The following PCDH9 variants were observed in gnomAD, a reference collection of about 807,000 sequenced individuals.
PCDH9 encodes protocadherin-9.
In PCDH9, 24 loss-of-function variants were observed where a neutral mutation model predicts 70.6. The observed-to-expected ratio is 0.34, with a 90% CI of 0.25 to 0.48. The LOEUF (loss-of-function observed/expected upper bound fraction) is 0.48, where lower values mean the gene tolerates loss of function less well. Among genes scored for constraint, PCDH9 ranks in the 20% least tolerant of loss-of-function variants. PCDH9 has a pLI of 0.99. For missense variants in PCDH9, 1,281 were observed against 1,503.6 expected, an observed-to-expected ratio of 0.85 and a Z score of 2.45; for synonymous variants, 562 against 558.5, an observed-to-expected ratio of 1.01 and a Z score of -0.09.
chr13:66,812,980 C>T (rs1412061793), intron 3 of PCDH9, among the ~76,000 whole-genome samples: 1 of 152,134 alleles, frequency 6.6e-6, no homozygotes, highest in East Asian at 1.9e-4. Context: ...GAGGATAGAT[C>T]TCCAAAAGAG....
chr13:66,611,112 A>C (rs2077288952), intron 4 of PCDH9, among the ~76,000 whole-genome samples: 1 of 152,208 alleles, frequency 6.6e-6, no homozygotes, highest in Non-Finnish European at 1.5e-5. Context: ...AAACACAAAA[A>C]CATGAAAAAA....
At chr13:66,639,126 T>C (rs962614273) in intron 3 of PCDH9, among the ~76,000 whole-genome samples, 1 of 152,228 alleles carries the variant, frequency 6.6e-6, no homozygotes, top group Non-Finnish European at 1.5e-5. Context: ...AGTCAAGCAG[T>C]ATTTTCAGAG....
intron 2 of PCDH9, among the ~76,000 whole-genome samples, chr13:66,995,808 C>A (rs1304945464): frequency 6.6e-6 from 1 of 152,118 alleles, no homozygotes; most frequent in Non-Finnish European, 1.5e-5. Flanking sequence ...ATCTGCATTA[C>A]TGCTGTCTAA....
At chr13:66,453,602 T>C (rs766133318) in intron 4 of PCDH9, among the ~76,000 whole-genome samples, 9 of 152,146 alleles carry the variant, frequency 5.9e-5, no homozygotes, top group Non-Finnish European at 1.2e-4. Flanking sequence ...AATCAGCTTC[T>C]CTTCCCAGCA....
intron 3 of PCDH9, among the ~76,000 whole-genome samples, chr13:66,707,834 C>T (rs889912967): frequency 6.6e-6 from 1 of 152,130 alleles, no homozygotes; most frequent in African/African-American, 2.4e-5. Flanking sequence ...AAAATATTTA[C>T]AAGGTTTAAT....
chr13:67,085,886 C>T (rs9540992), intron 2 of PCDH9, among the ~76,000 whole-genome samples: 24 of 152,146 alleles, frequency 1.6e-4, no homozygotes, highest in Non-Finnish European at 2.8e-4. Flanking sequence ...ATTATTTATA[C>T]ATGCGAATAG....
At chr13:66,357,127 C>A (rs955165243) in intron 4 of PCDH9, among the ~76,000 whole-genome samples, 4 of 151,928 alleles carry the variant, frequency 2.6e-5, no homozygotes, top group African/African-American at 9.7e-5. Flanking sequence ...AACACATAAT[C>A]AGGATCTCAA....
chr13:66,469,614 C>A (rs1262088382), intron 4 of PCDH9, among the ~76,000 whole-genome samples: 1 of 152,048 alleles, frequency 6.6e-6, no homozygotes, highest in Non-Finnish European at 1.5e-5. Flanking sequence ...GATATTATTT[C>A]TTCTATGCCA....
chr13:66,660,953 T>C (rs2078000772), intron 3 of PCDH9, among the ~76,000 whole-genome samples: 1 of 152,160 alleles, frequency 6.6e-6, no homozygotes, highest in South Asian at 2.1e-4. Context: ...TAGTAGTACA[T>C]TATAAATATC....
intron 4 of PCDH9, among the ~76,000 whole-genome samples, chr13:66,407,200 T>C (rs560953854): frequency 3.9e-5 from 6 of 152,334 alleles, no homozygotes; most frequent in Admixed American, 3.9e-4. Context: ...CTAGTAATAC[T>C]AACAAAGCAA....
Position 67,098,999 on chromosome 13 carries a change from T to G in PCDH9, c.3036+126406A>C, listed in dbSNP as rs1348068985. On this transcript the variant is annotated intron_variant, in intron 2 of 4. Transcript: ENST00000377865. ...ATCTCAGGCAATCTTTTGTAAAGAA[T>G]GACCTCATGTTGAACCCTCTGAATC... Among the ~76,000 whole-genome samples, 4 of 152,192 alleles carry G rather than the reference T, an allele frequency of 2.6e-5. No homozygotes were observed. In the East Asian group the frequency reaches 5.8e-4, roughly 22 times the overall value.
At chr13:66,671,002 G>A (rs1227727910) in intron 3 of PCDH9, among the ~76,000 whole-genome samples, 1 of 151,046 alleles carries the variant, frequency 6.6e-6, no homozygotes, top group East Asian at 2.0e-4. Flanking sequence ...AGCTCCACAT[G>A]TCATGGGAGG....
At chr13:66,759,854 T>C (rs182964815) in intron 3 of PCDH9, among the ~76,000 whole-genome samples, 93 of 152,316 alleles carry the variant, frequency 6.1e-4, no homozygotes, top group Admixed American at 2.4e-3. Flanking sequence ...CTTTAAATCT[T>C]CATACTAAAG....
At chr13:67,195,209 G>C (rs1308491371) in intron 2 of PCDH9, among the ~76,000 whole-genome samples, 1 of 151,218 alleles carries the variant, frequency 6.6e-6, no homozygotes, top group Non-Finnish European at 1.5e-5. Context: ...TCAGTGGCGC[G>C]ATCTCAGCTC....
chr13:66,604,419 G>T (rs373827664), intron 4 of PCDH9, among the ~76,000 whole-genome samples: 1 of 152,168 alleles, frequency 6.6e-6, no homozygotes, highest in South Asian at 2.1e-4. Context: ...TTCTGAGGAT[G>T]AGGCAAATAA....
At chr13:66,756,082 G>A (rs559612049) in intron 3 of PCDH9, among the ~76,000 whole-genome samples, 3 of 152,278 alleles carry the variant, frequency 2.0e-5, no homozygotes, top group African/African-American at 7.2e-5. Flanking sequence ...AGAGAGTGAA[G>A]ATATGGCTAC....
chr13:66,559,744 G>A (rs1446290983), intron 4 of PCDH9, among the ~76,000 whole-genome samples: 1 of 143,782 alleles, frequency 7.0e-6, no homozygotes, highest in Non-Finnish European at 1.5e-5. Context: ...AGCTTGCAGT[G>A]AGCTGAGATC....
At chr13:66,320,658 AT>A (rs1647870931) in intron 4 of PCDH9, among the ~76,000 whole-genome samples, 1 of 151,996 alleles carries the variant, frequency 6.6e-6, no homozygotes, top group Admixed American at 6.6e-5. Context: ...GTTATAACTA[AT>A]GAATTACTTG....
chr13:66,759,871 G>T (rs2079596853), intron 3 of PCDH9, among the ~76,000 whole-genome samples: 1 of 151,924 alleles, frequency 6.6e-6, no homozygotes, highest in South Asian at 2.1e-4. Flanking sequence ...AAAGATATTA[G>T]AGATTTACAT....
Sources: gnomAD v4.1 joint callset for allele counts (sites outside exome capture counted in the v4.1 genomes callset) on GRCh38, gnomAD v4.1.1 for gene constraint, MANE v1.5 for transcripts, NCBI Gene and HGNC (gene_info 2026-07-23, HGNC 2026-07-21) for gene names.